The following SPMIP2 variants were observed in gnomAD, a reference collection of about 807,000 sequenced individuals.
SPMIP2 encodes the protein sperm microtubule inner protein 2, also known as protein SPMIP2.
At chr4:158,954,063 T>C in the SPMIP2 span, among the ~76,000 whole-genome samples, 1 of 152,144 alleles carries the variant, frequency 6.6e-6, no homozygotes, top group African/African-American at 2.4e-5. Context: ...GGGGAACTGT[T>C]AGGAAGGCAT....
chr4:159,070,664 C>CT, the SPMIP2 span, among the ~76,000 whole-genome samples: 2 of 152,256 alleles, frequency 1.3e-5, no homozygotes, highest in East Asian at 3.9e-4. Context: ...ACACATAAGT[C>CT]TTATTAGATT....
At chr4:158,913,043 G>A in the SPMIP2 span, among the ~76,000 whole-genome samples, 7 of 152,202 alleles carry the variant, frequency 4.6e-5, no homozygotes, top group Non-Finnish European at 1.0e-4. Context: ...GAAAGATTCA[G>A]AACTGGCCTG....
At chr4:159,079,895 T>G in the SPMIP2 span, among the ~76,000 whole-genome samples, 1 of 152,248 alleles carries the variant, frequency 6.6e-6, no homozygotes, top group East Asian at 1.9e-4. Context: ...AAAGTAAAAA[T>G]AGTAAAGCAT....
the SPMIP2 span, among the ~76,000 whole-genome samples, chr4:159,078,011 C>A: frequency 1.3e-5 from 2 of 151,978 alleles, no homozygotes; most frequent in African/African-American, 4.8e-5. Context: ...AAAAGGCAAG[C>A]TACCTCTAAA....
the SPMIP2 span, among the ~76,000 whole-genome samples, chr4:159,053,270 A>T: frequency 1.3e-5 from 2 of 152,098 alleles, no homozygotes; most frequent in Non-Finnish European, 2.9e-5. Flanking sequence ...ATTATTTTTT[A>T]AAATATGATT....
the SPMIP2 span, among the ~76,000 whole-genome samples, chr4:158,930,247 T>A: frequency 4.0e-5 from 6 of 149,972 alleles, no homozygotes; most frequent in African/African-American, 1.5e-4. Flanking sequence ...AGTCTTGCTC[T>A]ATCACCTAGG....
chr4:159,027,383 G>T, the SPMIP2 span, among the ~76,000 whole-genome samples: 3 of 152,050 alleles, frequency 2.0e-5, no homozygotes, highest in South Asian at 6.2e-4. Flanking sequence ...AAGAATCATG[G>T]TAAGGACATA....
chr4:158,958,483 C>T, the SPMIP2 span, among the ~76,000 whole-genome samples: 9 of 152,286 alleles, frequency 5.9e-5, no homozygotes, highest in African/African-American at 2.2e-4. Context: ...TCTGCCTCCT[C>T]CCCTAGAATA....
At chr4:158,993,850 C>G in the SPMIP2 span, among the ~76,000 whole-genome samples, 1 of 152,182 alleles carries the variant, frequency 6.6e-6, no homozygotes, top group Non-Finnish European at 1.5e-5. Context: ...CACTTCCTTT[C>G]CTTAAAAACA....
At chr4:159,016,832 C>T in the SPMIP2 span, among the ~76,000 whole-genome samples, 6 of 152,180 alleles carry the variant, frequency 3.9e-5, no homozygotes, top group Non-Finnish European at 7.4e-5. Flanking sequence ...GATTCCCTCC[C>T]GTTGCTTCCC....
chr4:159,026,157 A>G, the SPMIP2 span: 6 of 374,836 alleles, frequency 1.6e-5, no homozygotes, highest in Non-Finnish European at 2.7e-5. Context: ...GATGATGCCT[A>G]GTGGACAGCA....
chr4:158,896,452 A>C, the SPMIP2 span, among the ~76,000 whole-genome samples: 1 of 152,170 alleles, frequency 6.6e-6, no homozygotes, highest in East Asian at 1.9e-4. Flanking sequence ...CTTCTGTTTT[A>C]CTGTCAGCTT....
At chr4:159,053,407 C>T in the SPMIP2 span, among the ~76,000 whole-genome samples, 1 of 152,142 alleles carries the variant, frequency 6.6e-6, no homozygotes, top group Non-Finnish European at 1.5e-5. Context: ...TATTGAGTTA[C>T]AAATGCACCT....
chr4:158,965,434 A>G, the SPMIP2 span, among the ~76,000 whole-genome samples: 1 of 152,188 alleles, frequency 6.6e-6, no homozygotes, highest in Non-Finnish European at 1.5e-5. Flanking sequence ...CCAAGTCACT[A>G]TGTGTGCTCA....
chr4:158,980,417 C>G, the SPMIP2 span, among the ~76,000 whole-genome samples: 4 of 152,198 alleles, frequency 2.6e-5, no homozygotes, highest in South Asian at 2.1e-4. Flanking sequence ...TGGGAGATAC[C>G]TCCCAACAGG....
the SPMIP2 span, among the ~76,000 whole-genome samples, chr4:159,032,268 T>C: frequency 3.3e-5 from 5 of 152,318 alleles, no homozygotes; most frequent in South Asian, 1.0e-3. Context: ...GTTCATAGTA[T>C]ATACAATTCT....
the SPMIP2 span, among the ~76,000 whole-genome samples, chr4:158,998,020 T>C: frequency 6.6e-6 from 1 of 152,108 alleles, no homozygotes. Flanking sequence ...GGTCAGATAG[T>C]AAATGTTTTA....
At chr4:158,904,479 G>A in the SPMIP2 span, 3 of 1,612,588 alleles carry the variant, frequency 1.9e-6, no homozygotes, top group Non-Finnish European at 1.7e-6. Context: ...TGAATCCAAC[G>A]ACCTGCCTCT....
At chr4:158,994,888 A>G in the SPMIP2 span, among the ~76,000 whole-genome samples, 1 of 152,218 alleles carries the variant, frequency 6.6e-6, no homozygotes, top group South Asian at 2.1e-4. Flanking sequence ...TTACCACAGA[A>G]TGAACTCATG....
Sources: gnomAD v4.1 joint callset for allele counts (sites outside exome capture counted in the v4.1 genomes callset) on GRCh38, gnomAD v4.1.1 for gene constraint, MANE v1.5 for transcripts, NCBI Gene and HGNC (gene_info 2026-07-23, HGNC 2026-07-21) for gene names.